DMD: variants seen among roughly 807,000 people sequenced by gnomAD.
DMD encodes the protein dystrophin, also known as mutant dystrophin.
DMD carries 63 observed loss-of-function variants against 330.1 expected under a neutral mutation model. The observed-to-expected ratio is 0.19, with a 90% CI of 0.16 to 0.24. The LOEUF (loss-of-function observed/expected upper bound fraction) is 0.24. DMD is among the 10% of genes least tolerant of loss of function. DMD has a pLI of 1.00. For synonymous variants in DMD, 1,223 were observed against 959.8 expected, an observed-to-expected ratio of 1.27 and a Z score of -5.07; for missense variants, 3,344 against 2,684.1, an observed-to-expected ratio of 1.25 and a Z score of -5.43.
intron 52 of DMD, among the ~76,000 whole-genome samples, chrX:31,685,790 A>G (rs888389961): frequency 8.9e-6 from 1 of 112,440 alleles, no homozygotes; most frequent in African/African-American, 3.2e-5. Flanking sequence ...CATTTAGCCA[A>G]TGATGGATAA....
Position 32,375,345 on chromosome X carries a change from A to G in DMD, c.4845+5165T>C, listed in dbSNP as rs1364348874. On this transcript the variant is annotated intron_variant, in intron 34 of 78. Transcript: ENST00000357033. ...GTCCTGTTGCTCAATCAGCAGGAGA[A>G]TCTTTGGCCAATGCTTAGGCAAACC... 5.3e-5 allele frequency among the ~76,000 whole-genome samples: 6 copies of G among 112,397 alleles called. No individual in the cohort carries two copies. In the East Asian group the frequency reaches 1.7e-3, roughly 31 times the overall value.
At chrX:33,045,315 TACACACAC>T (rs55970492) in intron 1 of DMD, among the ~76,000 whole-genome samples, 1 of 96,723 alleles carries the variant, frequency 1.0e-5, no homozygotes, top group Non-Finnish European at 2.1e-5. Flanking sequence ...CACAGGTGCG[TACACACAC>T]ACACACACAC....
chrX:32,256,311 T>TC (rs1569554151), intron 43 of DMD, among the ~76,000 whole-genome samples: 1 of 89,943 alleles, frequency 1.1e-5, no homozygotes, highest in African/African-American at 4.7e-5. Flanking sequence ...TTGTAACCCC[T>TC]GTTTTTTTTT....
At chrX:31,871,521 T>G (rs184961215) in intron 48 of DMD, among the ~76,000 whole-genome samples, 1 of 109,777 alleles carries the variant, frequency 9.1e-6, no homozygotes, top group East Asian at 2.9e-4. Flanking sequence ...GTGCTCAGAG[T>G]TTGACTAGAG....
intron 55 of DMD, among the ~76,000 whole-genome samples, chrX:31,556,930 G>T (rs1431946454): frequency 3.6e-5 from 4 of 111,791 alleles, no homozygotes; most frequent in Non-Finnish European, 7.5e-5. Flanking sequence ...AGTTTGTTGG[G>T]ATTTATTTAC....
chrX:31,833,285 AGAGAGAGGGAGAGAGG>A (rs746705878), intron 49 of DMD, among the ~76,000 whole-genome samples: 7,769 of 33,238 alleles, frequency 0.23, 743 homozygotes, highest in East Asian at 0.29. Flanking sequence ...AGAGAGAGAG[AGAGAGAGGGAGAGAGG>A]GAGAGAGGGA....
chrX:31,428,497 A>G (rs138567476), intron 60 of DMD, among the ~76,000 whole-genome samples: 50 of 112,031 alleles, frequency 4.5e-4, no homozygotes, highest in African/African-American at 1.6e-3. Flanking sequence ...GTATTCCTTT[A>G]TAGTGATGCA....
intron 2 of DMD, among the ~76,000 whole-genome samples, chrX:32,860,166 CATAA>C (rs2081968582): frequency 9.0e-6 from 1 of 111,647 alleles, no homozygotes; most frequent in South Asian, 3.7e-4. Context: ...TGACAAGTGG[CATAA>C]ATAAAGTGAA....
chrX:32,418,197 T>C (rs1001093012), intron 29 of DMD, among the ~76,000 whole-genome samples: 1 of 111,487 alleles, frequency 9.0e-6, no homozygotes, highest in Non-Finnish European at 1.9e-5. Flanking sequence ...TGTAAAAGCA[T>C]TTCATGTTTC....
At chrX:32,345,917 G>T (rs1569559090) in intron 39 of DMD, 26 bp downstream of exon 39, 2 of 1,203,296 alleles carry the variant, frequency 1.7e-6, no homozygotes, top group South Asian at 1.8e-5. Context: ...CACAGGCAAG[G>T]TATATTATAA....
intron 19 of DMD, among the ~76,000 whole-genome samples, chrX:32,492,706 T>A (rs941335725): frequency 4.4e-5 from 5 of 112,538 alleles, no homozygotes; most frequent in Admixed American, 9.4e-5. Context: ...CTTTCTTAGA[T>A]TTATTAGCTT....
At chrX:31,178,937 G>A in intron 69 of DMD, 132 bp from the exon 70 acceptor site, 6 of 811,335 alleles carry the variant, frequency 7.4e-6, no homozygotes, top group East Asian at 3.4e-5. Context: ...CAAAGGCTTT[G>A]GAATCAGACA....
chrX:32,220,044 GT>G (rs1400631106), intron 43 of DMD, among the ~76,000 whole-genome samples: 1 of 111,625 alleles, frequency 9.0e-6, no homozygotes, highest in African/African-American at 3.3e-5. Flanking sequence ...CCGTAGCTCT[GT>G]AAGACAGAGC....
chrX:32,030,341 T>C (rs1199885394), intron 44 of DMD, among the ~76,000 whole-genome samples: 1 of 112,114 alleles, frequency 8.9e-6, no homozygotes, highest in Non-Finnish European at 1.9e-5. Context: ...TCATTCCTCC[T>C]CCATTCATTA....
chrX:32,044,643 C>T (rs1250412950), intron 44 of DMD, among the ~76,000 whole-genome samples: 3 of 110,251 alleles, frequency 2.7e-5, no homozygotes, highest in Non-Finnish European at 5.7e-5. Flanking sequence ...AGGATGGTCT[C>T]GATCTCCTGA....
At chrX:33,236,794 C>G (rs10522021) in intron 1 of DMD, among the ~76,000 whole-genome samples, 13,475 of 111,069 alleles carry the variant, frequency 0.12, 1,223 homozygotes, top group African/African-American at 0.32. Context: ...CTTTTCTCTC[C>G]TAGCAAAAAC....
upstream of DMD, among the ~76,000 whole-genome samples, chrX:33,215,606 T>TA (rs2052039116): frequency 9.0e-6 from 1 of 111,566 alleles, no homozygotes; most frequent in African/African-American, 3.3e-5. Flanking sequence ...AAGACCAATG[T>TA]AAAAAAGGGT....
chrX:32,865,601 G>A (rs955607971), intron 2 of DMD, among the ~76,000 whole-genome samples: 5 of 112,418 alleles, frequency 4.4e-5, no homozygotes, highest in African/African-American at 1.6e-4. Context: ...CGAGTGTACC[G>A]ACTTGATTAA....
intron 55 of DMD, among the ~76,000 whole-genome samples, chrX:31,521,262 A>C (rs1010835525): frequency 2.8e-5 from 3 of 108,111 alleles, no homozygotes; most frequent in Non-Finnish European, 5.7e-5. Flanking sequence ...TCCTGGGTTC[A>C]AGCGATTCTC....
Sources: gnomAD v4.1 joint callset for allele counts (sites outside exome capture counted in the v4.1 genomes callset) on GRCh38, gnomAD v4.1.1 for gene constraint, MANE v1.5 for transcripts, NCBI Gene and HGNC (gene_info 2026-07-23, HGNC 2026-07-21) for gene names.